Variants in KCNJ8 observed in about 807,000 individuals in gnomAD.
KCNJ8 encodes ATP-sensitive inward rectifier potassium channel 8.
A neutral mutation model predicts 28.2 loss-of-function variants in KCNJ8; 13 were observed. The ratio of observed to expected loss-of-function variants is 0.46; its 90% CI spans 0.30 to 0.73. The LOEUF (loss-of-function observed/expected upper bound fraction) is 0.73. Among genes scored for constraint, KCNJ8 ranks in the 30% least tolerant of loss-of-function variants. KCNJ8 has a pLI of 0.07. For synonymous variants in KCNJ8, 188 were observed against 195.9 expected (o/e 0.96, Z 0.34); for missense variants, 284 against 542.6 (o/e 0.52, Z 4.73).
In KCNJ8 at chr12:21,773,164, CAG is replaced by C. The variant is rs202171911; in HGVS notation, c.374+77_374+78del. 21,459 of 1,485,700 alleles carry C rather than the reference CAG, an allele frequency of 0.014. 185 individuals carry two copies. Among genetic ancestry groups the C allele is most frequent in the Non-Finnish European group, 0.017 (18,165 of 1,075,192 alleles). The allele number at this position is 1,485,700 out of a possible 1,614,324, so 92.0% of individuals were successfully genotyped here. A position where few individuals can be genotyped will look rare whatever the true frequency, so the allele number is the denominator to read the frequency against. ...CTTTATTTCACTTTCAATTAAATAA[CAG>C]AATGATAAGAGAAAGGGCATTTTGA... On this transcript the variant is annotated intron_variant, in intron 2 of 2. Transcript: ENST00000240662. The surrounding 1 kb of genome is among the most constrained non-coding windows in gnomAD (Gnocchi z 4.6).
In KCNJ8 at chr12:21,766,921, G is replaced by A. The variant is rs1176290159; in HGVS notation, c.375-298C>T. ...TGTTTCATAGGTCACATAGTGATGG[G>A]CCTAATTTGTGTAAAAGATTAATAT... On this transcript the variant is annotated intron_variant, in intron 2 of 2. Coordinates refer to ENST00000240662, the MANE Select transcript of KCNJ8 (RefSeq NM_004982.4). The surrounding 1 kb of genome is among the most constrained non-coding windows in gnomAD (Gnocchi z 6.5). Among the ~76,000 whole-genome samples the A allele has an allele frequency of 1.3e-5, 2 of 152,090 alleles. No individual in the cohort carries two copies. The highest frequency in any genetic ancestry group is 4.8e-5 in the African/African-American group (2 of 41,390).
intron 2 of KCNJ8, among the ~76,000 whole-genome samples, chr12:21,768,420 T>C (rs970743063): frequency 3.3e-5 from 5 of 152,242 alleles, no homozygotes; most frequent in African/African-American, 1.2e-4. Context: ...TTCCCTTGTT[T>C]CTTCCCCTTT....
At chr12:21,771,795 A>G (rs1940761962) in intron 2 of KCNJ8, among the ~76,000 whole-genome samples, 1 of 152,096 alleles carries the variant, frequency 6.6e-6, no homozygotes, top group Non-Finnish European at 1.5e-5. Flanking sequence ...AGTGCCAGTA[A>G]GTTTCTTAAA....
rs1565658943 is a variant in KCNJ8 at position 21,766,170 on chromosome 12, G to C, written c.828C>G (p.Pro276=). The C allele has an allele frequency of 1.2e-6, 2 of 1,613,958 alleles. No individual in the cohort carries two copies. The highest frequency in any genetic ancestry group is 8.5e-7 in the Non-Finnish European group (1 of 1,180,010). ...IICHVIDKRS[P]LYDISATDLA... ...GGTCAGTTGCTGAGATGTCATACAGGGGACTGCGCTTGTCAATCACGTGGC... is the reference window on the plus strand; with the variant it reads ...GGTCAGTTGCTGAGATGTCATACAGCGGACTGCGCTTGTCAATCACGTGGC... The change falls in exon 3 of 3, where the codon CCC becomes CCG. Residue 276 remains proline, a synonymous_variant. Transcript: ENST00000240662. This position sits in a 1 kb window ranked among gnomAD's most constrained non-coding sequence, Gnocchi z 6.5.
chr12:21,770,087 T>C (rs1209743303), intron 2 of KCNJ8, among the ~76,000 whole-genome samples: 1 of 152,202 alleles, frequency 6.6e-6, no homozygotes, highest in Non-Finnish European at 1.5e-5. Context: ...GATAAATCTT[T>C]TGTGAAAAGA....
rs1211742088 is a variant in KCNJ8, at chr12:21,766,542, G to A, written c.456C>T (p.Cys152=). 1.9e-6 allele frequency: 3 copies of A among 1,609,946 alleles called. No homozygotes were observed. The highest frequency in any genetic ancestry group is 1.1e-5 in the South Asian group (1 of 91,080). The change falls in exon 3 of 3, where the codon TGC becomes TGT. Residue 152 remains cysteine (C), a synonymous_variant. Coordinates refer to ENST00000240662, the MANE Select transcript of KCNJ8 (RefSeq NM_004982.4). This position sits in a 1 kb window ranked among gnomAD's most constrained non-coding sequence, Gnocchi z 6.5. ...GFGGRMMTEE[C]PLAITVLILQ... ...GAATCAAAACCGTGATGGCCAAAGGGCATTCCTCTGTCATCATCCTCCCTC... is the reference window on the plus strand; with the variant it reads ...GAATCAAAACCGTGATGGCCAAAGGACATTCCTCTGTCATCATCCTCCCTC...
intron 2 of KCNJ8, among the ~76,000 whole-genome samples, chr12:21,771,807 A>G (rs537488303): frequency 1.6e-3 from 249 of 152,300 alleles, no homozygotes; most frequent in African/African-American, 5.8e-3. Context: ...TTTCTTAAAG[A>G]TATATATTAT....
In KCNJ8 at chr12:21,766,707, TC is replaced by T; in HGVS notation, c.375-85del. 1 of 1,147,950 alleles carries T rather than the reference TC, an allele frequency of 8.7e-7. No homozygotes were observed. Among genetic ancestry groups the T allele is most frequent in the Non-Finnish European group, 1.3e-6 (1 of 787,078 alleles). 71.1% of individuals were successfully genotyped at this position (1,147,950 alleles called of 1,614,324 possible). A position where few individuals can be genotyped will look rare whatever the true frequency, so the allele number is the denominator to read the frequency against. On this transcript the variant is annotated intron_variant, in intron 2 of 2. Transcript: ENST00000240662. The surrounding 1 kb of genome is among the most constrained non-coding windows in gnomAD (Gnocchi z 6.5). ...TGCCAAGCTGAGCTTTTCATTTTCT[TC>T]CACCAAAGACTATTAAATGCTTGCA...
intron 2 of KCNJ8, among the ~76,000 whole-genome samples, chr12:21,767,979 T>C (rs775607546): frequency 3.9e-5 from 6 of 151,982 alleles, no homozygotes; most frequent in Non-Finnish European, 7.4e-5. Context: ...ATTATTGTAA[T>C]TGTTTAGGGC....
In KCNJ8 at chr12:21,773,245, G is replaced by T; in HGVS notation, c.372C>A (p.Val124=). 1 of 1,613,126 alleles carries T rather than the reference G, an allele frequency of 6.2e-7. No individual in the cohort carries two copies. Among genetic ancestry groups the T allele is most frequent in the South Asian group, 1.1e-5 (1 of 90,960 alleles). ...GLESTVCVTN[V]RSFTSAFLFS... is the part of the protein sequence containing the mutation. Reference sequence around the variant, plus strand: ...GCCTCATCCCACTACATTCTTACCTGACATTAGTCACACACACAGTGGACT... The same window carrying T: ...GCCTCATCCCACTACATTCTTACCTTACATTAGTCACACACACAGTGGACT... The change falls in exon 2 of 3, where the codon GTC becomes GTA. Residue 124 remains valine, a splice_region_variant and synonymous_variant. Transcript: ENST00000240662. This position sits in a 1 kb window ranked among gnomAD's most constrained non-coding sequence, Gnocchi z 4.6.
rs553458206 is a variant in KCNJ8 at position 21,773,514 on chromosome 12, G to C, written c.103C>G (p.Arg35Gly). 4 of 1,614,258 alleles carry C rather than the reference G, an allele frequency of 2.5e-6. No individual in the cohort carries two copies. The highest frequency in any genetic ancestry group is 2.2e-5 in the East Asian group (1 of 44,886). The change falls in exon 2 of 3, where the codon CGC becomes GGC. Residue 35 changes from arginine (R) to glycine (G), a missense_variant. By Grantham distance (125) the Arg-to-Gly change is moderately radical. Transcript: ENST00000240662. This position sits in a 1 kb window ranked among gnomAD's most constrained non-coding sequence, Gnocchi z 4.6. The stretch of plus-strand genomic sequence containing the variant: ...CAGGCCCCGCTCTTGGCGATGAAGC[G>C]GGCTTTGGGGAGGCGGTCTCGGATG... ...PRIRDRLPKA[R>G]FIAKSGACNL...
chr12:21,766,308 G>T lies in KCNJ8; in HGVS notation c.690C>A (p.Val230=). The change falls in exon 3 of 3, where the codon GTC becomes GTA. Residue 230 remains valine, a synonymous_variant. Transcript: ENST00000240662. This position sits in a 1 kb window ranked among gnomAD's most constrained non-coding sequence, Gnocchi z 6.5. ...CCCCTTCAGGTGTAGTTGTTTTCTT[G>T]ACCACCTGGATGCGCACAGAGGCAC... ...IISASVRIQV[V]KKTTTPEGEV... 6.2e-7 allele frequency: 1 copy of T among 1,614,136 alleles called. No individual in the cohort carries two copies. Among genetic ancestry groups the T allele is most frequent in the South Asian group, 1.1e-5 (1 of 91,060 alleles).
chr12:21,765,595 A>G lies in KCNJ8; in HGVS notation c.*128T>C, dbSNP rs748514584. The stretch of plus-strand genomic sequence containing the variant: ...CTACAGAAAGTGCTGTTGCTTGAAT[A>G]TGAATATCATTTAGTGTAATAAAAT... On this transcript the variant is annotated 3_prime_UTR_variant, in exon 3 of 3. Transcript: ENST00000240662. The G allele has an allele frequency of 1.6e-5, 13 of 834,236 alleles. No homozygotes were observed. The highest frequency in any genetic ancestry group is 2.3e-5 in the Non-Finnish European group (11 of 484,206). The allele number at this position is 834,236 out of a possible 1,614,324, so 51.7% of individuals were successfully genotyped here.
At chr12:21,774,083 T>C in intron 1 of KCNJ8, among the ~76,000 whole-genome samples, 1 of 152,196 alleles carries the variant, frequency 6.6e-6, no homozygotes, top group Non-Finnish European at 1.5e-5. Context: ...CTTATTAAAG[T>C]ACTTAGATGA....
intron 1 of KCNJ8, among the ~76,000 whole-genome samples, chr12:21,774,053 C>T (rs1013744954): frequency 6.6e-6 from 1 of 152,106 alleles, no homozygotes; most frequent in African/African-American, 2.4e-5. Context: ...AAGATTAAGA[C>T]CAGTTGGGTG....
Position 21,765,871 on chromosome 12 carries a change from T to A in KCNJ8, c.1127A>T (p.His376Leu). 6.2e-7 allele frequency: 1 copy of A among 1,614,202 alleles called. No homozygotes were observed. The highest frequency in any genetic ancestry group is 8.5e-7 in the Non-Finnish European group (1 of 1,180,012). ...GTTGCGCTTCCTCAGAGAATTTTGA[T>A]GAGACAGTTCACTCTTTTGGAGGGT... ...IQTLQKSELS[H>L]QNSLRKRNSM... Residue 376 changes from histidine (H) to leucine (L), a missense_variant, in exon 3 of 3, where the codon CAT (histidine) becomes CTT (leucine). By Grantham distance (99) the His-to-Leu change is moderately conservative. Around this residue, in one of 8 missense-constraint regions of KCNJ8, gnomAD observed 107 missense variants for 235.6 expected, o/e 0.45. Transcript: ENST00000240662.
chr12:21,772,613 T>C (rs1274715136), intron 2 of KCNJ8, among the ~76,000 whole-genome samples: 1 of 152,210 alleles, frequency 6.6e-6, no homozygotes, highest in African/African-American at 2.4e-5. Context: ...TTGGACTAAT[T>C]GTCATTAAAA....
chr12:21,768,688 G>T (rs1003472107), intron 2 of KCNJ8, among the ~76,000 whole-genome samples: 1 of 152,248 alleles, frequency 6.6e-6, no homozygotes, highest in African/African-American at 2.4e-5. Flanking sequence ...TGCTACTCCA[G>T]TGAAGACACA....
At position 21,765,660 on chromosome 12, in the gene KCNJ8, C is replaced by G; in HGVS notation, c.*63G>C. The G allele has an allele frequency of 2.2e-6, 3 of 1,381,724 alleles. No individual in the cohort carries two copies. The highest frequency in any genetic ancestry group is 3.1e-6 in the Non-Finnish European group (3 of 968,924). The allele number at this position is 1,381,724 out of a possible 1,614,324, so 85.6% of individuals were successfully genotyped here. A position where few individuals can be genotyped will look rare whatever the true frequency, so the allele number is the denominator to read the frequency against. ...TATTGTGTTCCAGCTCTGGTTCAGT[C>G]TGGCAGTGCCCAGCATAAACCGTCA... On this transcript the variant is annotated 3_prime_UTR_variant, in exon 3 of 3. Coordinates refer to ENST00000240662, the MANE Select transcript of KCNJ8 (RefSeq NM_004982.4).
Sources: gnomAD v4.1 joint callset for allele counts (sites outside exome capture counted in the v4.1 genomes callset) on GRCh38, gnomAD v4.1.1 for gene constraint, gnomAD v4.1.1 regional missense constraint, Gnocchi (gnomAD v3.1) non-coding constraint, MANE v1.5 for transcripts, NCBI Gene and HGNC (gene_info 2026-07-23, HGNC 2026-07-21) for gene names.